CC2D1A: variants seen among roughly 807,000 people sequenced by gnomAD.
The protein encoded by CC2D1A is coiled-coil and C2 domain containing 1A.
CC2D1A carries 68 observed loss-of-function variants against 123.8 expected under a neutral mutation model. That is an observed-to-expected ratio of 0.55 (90% CI 0.45 to 0.67). The LOEUF (loss-of-function observed/expected upper bound fraction) is 0.67, where lower values mean the gene tolerates loss of function less well. CC2D1A is among the 30% of genes least tolerant of loss of function. The pLI is 0.00. For missense variants in CC2D1A, 1,185 were observed against 1,290.3 expected, an observed-to-expected ratio of 0.92 and a Z score of 1.25; for synonymous variants, 477 against 528.0, an observed-to-expected ratio of 0.90 and a Z score of 1.32.
intron 24 of CC2D1A, 90 bp downstream of exon 24, chr19:13,928,278 C>A (rs1047765992): frequency 1.2e-5 from 13 of 1,105,908 alleles, no homozygotes; most frequent in Non-Finnish European, 1.6e-5. Context: ...ACAAATTGGA[C>A]CACGTCCCTC....
chr19:13,921,006 T>TGG (rs1245545066), intron 14 of CC2D1A, 84 bp downstream of exon 14: 33 of 1,330,086 alleles, frequency 2.5e-5, no homozygotes, highest in Non-Finnish European at 3.4e-5. Context: ...ACTAGAAGTG[T>TGG]ATTAGTCAAG....
In CC2D1A at chr19:13,909,945, G is replaced by C; in HGVS notation, c.183G>C (p.Lys61Asn). The C allele has an allele frequency of 6.6e-7, 1 of 1,516,892 alleles. No individual in the cohort carries two copies. The highest frequency in any genetic ancestry group is 8.8e-7 in the Non-Finnish European group (1 of 1,132,686). The allele number at this position is 1,516,892 out of a possible 1,614,324, so 94.0% of individuals were successfully genotyped here. Residue 61 changes from lysine to asparagine, a missense_variant, in exon 2 of 29, where the codon AAG becomes AAC. Physicochemically the swap from Lys to Asn is moderately conservative, Grantham distance 94 (BLOSUM62 0). Transcript: ENST00000318003. ...LVGGQPPALE[K>N]LKGKGPLPME... ...GGGGCCAGCCCCCAGCCCTGGAGAA[G>C]CTCAAAGGCAAAGGTGAGATGGTTA...
chr19:13,928,549 C>T (rs551580044), intron 24 of CC2D1A, among the ~76,000 whole-genome samples: 1 of 151,748 alleles, frequency 6.6e-6, no homozygotes, highest in East Asian at 1.9e-4. Context: ...TTCTTTGGAT[C>T]CCAACTTGGC....
Position 13,913,613 on chromosome 19 carries a change from C to T in CC2D1A, c.723C>T (p.Gly241=), listed in dbSNP as rs1971096413. 1 of 1,610,206 alleles carries T rather than the reference C, an allele frequency of 6.2e-7. No homozygotes were observed. Among genetic ancestry groups the T allele is most frequent in the Non-Finnish European group, 8.5e-7 (1 of 1,177,620 alleles). ...PSATAPASSP[G]LAKPQMPPGP... ...CCACCGCCCCAGCCTCATCTCCAGG[C>T]TTGGCTAAGCCCCAGATGCCCCCAG... Residue 241 remains glycine (G), a synonymous_variant, in exon 6 of 29, where the codon GGC becomes GGT. Transcript: ENST00000318003.
In CC2D1A at chr19:13,913,182, C is replaced by T. The variant is rs766134999; in HGVS notation, c.393C>T (p.Ala131=). The T allele has an allele frequency of 2.5e-6, 4 of 1,611,152 alleles. No individual in the cohort carries two copies. Among genetic ancestry groups the T allele is most frequent in the African/African-American group, 1.3e-5 (1 of 74,982 alleles). Residue 131 remains alanine, a synonymous_variant, in exon 5 of 29, where the codon GCC becomes GCT. Transcript: ENST00000318003. Reference sequence around the variant, plus strand: ...CCCTCCCACAGCCGAAGCCTGAGGCCCCTCATCCGGGGCTGGAGACCACCT... The same window carrying T: ...CCCTCCCACAGCCGAAGCCTGAGGCTCCTCATCCGGGGCTGGAGACCACCT... ...PPPVAQPKPE[A]PHPGLETTLQ...
At chr19:13,907,583 G>A (rs1256390917) in intron 1 of CC2D1A, among the ~76,000 whole-genome samples, 1 of 152,070 alleles carries the variant, frequency 6.6e-6, no homozygotes, top group Non-Finnish European at 1.5e-5. Flanking sequence ...TGAGGTGGGA[G>A]AATCGCTTGA....
At chr19:13,926,768 G>T (rs1339156252) in intron 19 of CC2D1A, 43 bp downstream of exon 19, 2 of 1,613,960 alleles carry the variant, frequency 1.2e-6, no homozygotes, top group South Asian at 2.2e-5. Context: ...GCCTCAGTGG[G>T]CCAAAGCCAG....
chr19:13,926,340 G>A (rs1369131056), intron 17 of CC2D1A, among the ~76,000 whole-genome samples, 177 bp from the exon 18 acceptor site: 3 of 152,132 alleles, frequency 2.0e-5, no homozygotes, highest in African/African-American at 7.2e-5. Context: ...TTGCCAACCT[G>A]AACAGAGAAC....
Position 13,926,732 on chromosome 19 carries a change from G to A in CC2D1A, c.2073+7G>A, listed in dbSNP as rs539992718. 30 of 1,614,048 alleles carry A rather than the reference G, an allele frequency of 1.9e-5. No individual in the cohort carries two copies. In the South Asian group the frequency reaches 3.1e-4, roughly 17 times the overall value. On this transcript the variant is annotated splice_region_variant and intron_variant, in intron 19 of 28. Coordinates refer to ENST00000318003, the MANE Select transcript of CC2D1A (RefSeq NM_017721.5). ...CTTCCCCTATCCCAACGTGGTACGT[G>A]GGGAGCTGAGGAGGGGAGGGCTGCA...
Position 13,923,932 on chromosome 19 carries a change from G to T in CC2D1A, c.1940+121G>T. Reference sequence around the variant, plus strand: ...CATCTGGAAGAAATTTTGGATAGGTGGAAGAGCACAGAGCATGCAAAGGCT... The same window carrying T: ...CATCTGGAAGAAATTTTGGATAGGTTGAAGAGCACAGAGCATGCAAAGGCT... On this transcript the variant is annotated intron_variant, in intron 17 of 28. Coordinates refer to ENST00000318003, the MANE Select transcript of CC2D1A (RefSeq NM_017721.5). The surrounding 1 kb of genome is among the most constrained non-coding windows in gnomAD (Gnocchi z 5.3). 1 of 722,306 alleles carries T rather than the reference G, an allele frequency of 1.4e-6. No homozygotes were observed. 44.7% of individuals were successfully genotyped at this position (722,306 alleles called of 1,614,324 possible). A position where few individuals can be genotyped will look rare whatever the true frequency, so the allele number is the denominator to read the frequency against.
chr19:13,914,694 G>C (rs1971142292), intron 6 of CC2D1A, among the ~76,000 whole-genome samples: 1 of 150,190 alleles, frequency 6.7e-6, no homozygotes, highest in Non-Finnish European at 1.5e-5. Context: ...CTGGAGTGCA[G>C]TAGCATGATC....
intron 8 of CC2D1A, 61 bp downstream of exon 8, chr19:13,918,637 G>C: frequency 6.3e-7 from 1 of 1,589,878 alleles, no homozygotes; most frequent in Non-Finnish European, 8.6e-7. Context: ...AGTTCTCCTT[G>C]ATGCTGCCAC....
Position 13,927,070 on chromosome 19 carries a change from C to G in CC2D1A, c.2218C>G (p.His740Asp), listed in dbSNP as rs781680827. 2 of 1,613,988 alleles carry G rather than the reference C, an allele frequency of 1.2e-6. No individual in the cohort carries two copies. Among genetic ancestry groups the G allele is most frequent in the Non-Finnish European group, 1.7e-6 (2 of 1,179,932 alleles). Reference sequence around the variant, plus strand: ...CAAGGGCATCAAGTTCGAAGTGGTTCACAAGGGGTGAGCTAGAGAGAGCCA... The same window carrying G: ...CAAGGGCATCAAGTTCGAAGTGGTTGACAAGGGGTGAGCTAGAGAGAGCCA... The part of the protein sequence containing the change: ...QTKGIKFEVV[H>D]KGGLFKTDRV... Residue 740 changes from histidine (H) to aspartate (D), a missense_variant, in exon 21 of 29, where the codon CAC becomes GAC. Transcript: ENST00000318003.
At position 13,929,400 on chromosome 19, in the gene CC2D1A, C is replaced by A. The variant is rs1198745826; in HGVS notation, c.2541C>A (p.Ser847Arg). Residue 847 changes from serine to arginine, a missense_variant, in exon 25 of 29, where the codon AGC becomes AGA. By Grantham distance (110) the Ser-to-Arg change is moderately radical. Transcript: ENST00000318003. ...SGNRSARPLH[S>R]LSVLAFDQER... Reference sequence around the variant, plus strand: ...TTAGATCAGCCCGGCCCCTGCATAGCCTCAGTGTGCTGGCGTTTGACCAAG... The same window carrying A: ...TTAGATCAGCCCGGCCCCTGCATAGACTCAGTGTGCTGGCGTTTGACCAAG... 5 of 1,613,414 alleles carry A rather than the reference C, an allele frequency of 3.1e-6. No individual in the cohort carries two copies. Among genetic ancestry groups the A allele is most frequent in the Non-Finnish European group, 3.4e-6 (4 of 1,179,966 alleles).
intron 14 of CC2D1A, among the ~76,000 whole-genome samples, chr19:13,922,257 C>T (rs1199281077): frequency 6.6e-6 from 1 of 152,202 alleles, no homozygotes; most frequent in East Asian, 1.9e-4. Context: ...CTGCCTCGAC[C>T]TCCCAAAGTG....
At chr19:13,907,571 G>A (rs1338865573) in intron 1 of CC2D1A, among the ~76,000 whole-genome samples, 1 of 152,054 alleles carries the variant, frequency 6.6e-6, no homozygotes, top group East Asian at 1.9e-4. Context: ...TACTCGGGAG[G>A]CTGAGGTGGG....
In CC2D1A at chr19:13,906,484, G is replaced by T; in HGVS notation, c.43G>T (p.Ala15Ser). 2 of 1,501,438 alleles carry T rather than the reference G, an allele frequency of 1.3e-6. No individual in the cohort carries two copies. The allele number at this position is 1,501,438 out of a possible 1,614,324, so 93.0% of individuals were successfully genotyped here. A position where few individuals can be genotyped will look rare whatever the true frequency, so the allele number is the denominator to read the frequency against. Residue 15 changes from alanine (A) to serine (S), a missense_variant, in exon 1 of 29, where the codon GCC (alanine) becomes TCC (serine). Physicochemically the swap from Ala to Ser is moderately conservative, Grantham distance 99 (BLOSUM62 1). Transcript: ENST00000318003. The surrounding 1 kb of genome is among the most constrained non-coding windows in gnomAD (Gnocchi z 4.1). The part of the protein sequence containing the change: ...KGPPGPPGRG[A>S]AAARQLGLLV... Reference sequence around the variant, plus strand: ...ACCCCCGGGACCCCCGGGCAGAGGCGCCGCGGCCGCCCGCCAGGTGAGTTT... The same window carrying T: ...ACCCCCGGGACCCCCGGGCAGAGGCTCCGCGGCCGCCCGCCAGGTGAGTTT...
chr19:13,930,118 G>A lies in CC2D1A; in HGVS notation c.2751G>A (p.Thr917=), dbSNP rs373108121. ...TGGAGCGGCAGCTGCAGTTCTACAC[G>A]GAGGCTGCCCGGCGCCTGGGCAACG... ...AQLERQLQFY[T]EAARRLGNDG... The change falls in exon 27 of 29, where the codon ACG becomes ACA. Residue 917 remains threonine, a synonymous_variant. Transcript: ENST00000318003. This position sits in a 1 kb window ranked among gnomAD's most constrained non-coding sequence, Gnocchi z 6.8. The A allele has an allele frequency of 1.6e-5, 26 of 1,611,628 alleles. No individual in the cohort carries two copies. In the African/African-American group the frequency reaches 2.1e-4, roughly 13 times the overall value.
Position 13,919,747 on chromosome 19 carries a change from A to G in CC2D1A, c.1223-71A>G. 2.0e-6 allele frequency: 3 copies of G among 1,468,876 alleles called. No individual in the cohort carries two copies. In the South Asian group the frequency reaches 4.4e-5, roughly 22 times the overall value. 91.0% of individuals were successfully genotyped at this position (1,468,876 alleles called of 1,614,324 possible). ...CTCTATAGGTGGGAGAGGAATCTGC[A>G]TCTCCACCATAATGGTGTGAGTTGG... On this transcript the variant is annotated intron_variant, in intron 11 of 28. Coordinates refer to ENST00000318003, the MANE Select transcript of CC2D1A (RefSeq NM_017721.5).
Sources: allele counts gnomAD v4.1 joint callset (sites outside exome capture counted in the v4.1 genomes callset), GRCh38; gene constraint gnomAD v4.1.1; non-coding constraint Gnocchi (gnomAD v3.1); transcripts MANE v1.5; gene names NCBI Gene and HGNC (gene_info 2026-07-23, HGNC 2026-07-21).